Variants in TNNI3K observed in about 807,000 individuals in gnomAD.
TNNI3K encodes TNNI3 interacting kinase, also known as serine/threonine-protein kinase TNNI3K.
Under a neutral mutation model 114.5 loss-of-function variants are expected in TNNI3K, and 140 were observed. That is an observed-to-expected ratio of 1.22 (90% CI 1.07 to 1.41). TNNI3K has a LOEUF of 1.41. TNNI3K is among the 40% of genes most tolerant of loss of function. The pLI, the probability that TNNI3K is intolerant of heterozygous loss-of-function variation, is 0.00. For missense variants in TNNI3K, 1,125 were observed against 1,007.6 expected, an observed-to-expected ratio of 1.12 and a Z score of -1.58; for synonymous variants, 347 against 347.5, an observed-to-expected ratio of 1.00 and a Z score of 0.02.
At chr1:74,457,054 C>G (rs1667256490) in intron 20 of TNNI3K, among the ~76,000 whole-genome samples, 1 of 152,084 alleles carries the variant, frequency 6.6e-6, no homozygotes, top group Non-Finnish European at 1.5e-5. Flanking sequence ...ATAATAACTT[C>G]ATAGGATACA....
chr1:74,258,419 A>G (rs950373501), intron 4 of TNNI3K, among the ~76,000 whole-genome samples: 6 of 152,194 alleles, frequency 3.9e-5, no homozygotes, highest in African/African-American at 1.4e-4. Flanking sequence ...CATGGCAATC[A>G]TGGGATATTG....
chr1:74,505,983 G>A (rs1238931139), intron 23 of TNNI3K, among the ~76,000 whole-genome samples: 2 of 152,112 alleles, frequency 1.3e-5, no homozygotes, highest in African/African-American at 4.8e-5. Context: ...GTAAAAAAAT[G>A]AAATCACTTT....
intron 9 of TNNI3K, among the ~76,000 whole-genome samples, chr1:74,350,470 GA>G (rs1426528325): frequency 2.6e-5 from 4 of 152,166 alleles, no homozygotes; most frequent in African/African-American, 9.7e-5. Flanking sequence ...GAGTTCTGTA[GA>G]TGTCTATTAG....
chr1:74,247,400 C>T (rs997141764), intron 2 of TNNI3K, among the ~76,000 whole-genome samples: 8 of 152,078 alleles, frequency 5.3e-5, no homozygotes, highest in East Asian at 1.9e-4. Context: ...AAAGGCAGTG[C>T]GGACCCAAAG....
intron 5 of TNNI3K, among the ~76,000 whole-genome samples, chr1:74,320,007 G>C (rs1659520492): frequency 6.6e-6 from 1 of 152,142 alleles, no homozygotes; most frequent in Non-Finnish European, 1.5e-5. Context: ...GCCATGTGTT[G>C]GGTTATAGAA....
At chr1:74,254,480 C>G (rs1303062269) in intron 4 of TNNI3K, among the ~76,000 whole-genome samples, 3 of 152,068 alleles carry the variant, frequency 2.0e-5, no homozygotes, top group Non-Finnish European at 4.4e-5. Flanking sequence ...TCACCCGATC[C>G]TTGTATTTTT....
intron 5 of TNNI3K, among the ~76,000 whole-genome samples, chr1:74,313,260 C>A (rs982191096): frequency 1.3e-5 from 2 of 152,150 alleles, no homozygotes; most frequent in Non-Finnish European, 2.9e-5. Flanking sequence ...TTATCTCTAC[C>A]GTTCTTCTCT....
At chr1:74,376,300 A>G (rs1388994806) in intron 17 of TNNI3K, among the ~76,000 whole-genome samples, 1 of 152,004 alleles carries the variant, frequency 6.6e-6, no homozygotes, top group Admixed American at 6.6e-5. Flanking sequence ...ATTAAGTAAA[A>G]TAAACAAATT....
intron 5 of TNNI3K, among the ~76,000 whole-genome samples, chr1:74,329,159 C>CA (rs1660069170): frequency 6.6e-6 from 1 of 152,018 alleles, no homozygotes; most frequent in South Asian, 2.1e-4. Flanking sequence ...GATTTGATGT[C>CA]AAACAGACCT....
At chr1:74,483,476 T>C in intron 21 of TNNI3K, 1 of 586,656 alleles carries the variant, frequency 1.7e-6, no homozygotes, top group Admixed American at 2.6e-5. Context: ...ATTTCTACTG[T>C]TCAATGAGCA....
At chr1:74,445,244 A>C (rs1356500383) in intron 20 of TNNI3K, among the ~76,000 whole-genome samples, 14 of 146,176 alleles carry the variant, frequency 9.6e-5, no homozygotes, top group Non-Finnish European at 2.1e-4. Context: ...TTATACTTTA[A>C]GTTTTAGGGT....
chr1:74,240,556 A>G (rs1389323326), intron 2 of TNNI3K: 1 of 152,216 alleles, frequency 6.6e-6, no homozygotes, highest in Non-Finnish European at 1.5e-5. Flanking sequence ...GGTTATGAAT[A>G]TTATACAACC....
intron 17 of TNNI3K, among the ~76,000 whole-genome samples, chr1:74,406,732 G>T (rs1017560639): frequency 4.6e-5 from 7 of 152,116 alleles, no homozygotes; most frequent in Admixed American, 3.9e-4. Flanking sequence ...ACACATCTTT[G>T]AGTGGCCATC....
intron 11 of TNNI3K, among the ~76,000 whole-genome samples, chr1:74,364,625 G>T (rs1422592835): frequency 6.6e-6 from 1 of 151,850 alleles, no homozygotes; most frequent in African/African-American, 2.4e-5. Flanking sequence ...ACATGGGGAA[G>T]AATCAAGGTT....
chr1:74,515,389 T>G (rs898726524), intron 23 of TNNI3K, among the ~76,000 whole-genome samples: 5 of 152,184 alleles, frequency 3.3e-5, no homozygotes, highest in Admixed American at 2.6e-4. Context: ...AAAGACATTT[T>G]TTGGTGCTTT....
chr1:74,386,224 G>C (rs1433489362), intron 17 of TNNI3K, among the ~76,000 whole-genome samples: 1 of 151,992 alleles, frequency 6.6e-6, no homozygotes, highest in Non-Finnish European at 1.5e-5. Context: ...TATTGTGTAC[G>C]TCTTTATTAG....
intron 4 of TNNI3K, among the ~76,000 whole-genome samples, chr1:74,267,363 C>T (rs899213342): frequency 1.4e-4 from 21 of 151,864 alleles, no homozygotes; most frequent in Non-Finnish European, 4.4e-5. Context: ...AAAGTATGTC[C>T]TCTCAAGTTT....
chr1:74,287,140 A>C (rs529395520), intron 5 of TNNI3K, among the ~76,000 whole-genome samples: 4 of 152,224 alleles, frequency 2.6e-5, no homozygotes, highest in African/African-American at 9.6e-5. Context: ...CTAAGGAAAA[A>C]AACAGGTCAT....
intron 17 of TNNI3K, among the ~76,000 whole-genome samples, chr1:74,411,085 C>T (rs577755777): frequency 5.9e-5 from 9 of 152,182 alleles, no homozygotes; most frequent in East Asian, 1.9e-4. Flanking sequence ...AATTTTATAC[C>T]ATAAAATTGA....
Sources: allele counts gnomAD v4.1 joint callset (sites outside exome capture counted in the v4.1 genomes callset), GRCh38; gene constraint gnomAD v4.1.1; transcripts MANE v1.5; gene names NCBI Gene and HGNC (gene_info 2026-07-23, HGNC 2026-07-21).